Variants in SNED1 observed in about 807,000 individuals in gnomAD.
SNED1 encodes the protein sushi, nidogen and EGF-like domain-containing protein 1.
In SNED1, 81 loss-of-function variants were observed where a neutral mutation model predicts 166.7. That is an observed-to-expected ratio of 0.49 (90% CI 0.41 to 0.58). SNED1 has a LOEUF of 0.58. SNED1 is among the 20% of genes least tolerant of loss of function. SNED1 has a pLI of 0.00. For synonymous variants in SNED1, 762 were observed against 822.0 expected (o/e 0.93, Z 1.25); for missense variants, 1,604 against 2,000.2 (o/e 0.80, Z 3.78).
intron 21 of SNED1, among the ~76,000 whole-genome samples, chr2:241,066,950 G>A (rs1290615757): frequency 6.6e-6 from 1 of 152,230 alleles, no homozygotes; most frequent in African/African-American, 2.4e-5. Context: ...AGCACACCTC[G>A]GCCAGTGGAG....
chr2:241,094,308 C>T lies in SNED1; in HGVS notation c.*2672C>T. On this transcript the variant is annotated 3_prime_UTR_variant, in exon 32 of 32. Coordinates refer to ENST00000310397, the MANE Select transcript of SNED1 (RefSeq NM_001080437.3). This position sits in a 1 kb window ranked among gnomAD's most constrained non-coding sequence, Gnocchi z 4.3. The stretch of plus-strand genomic sequence containing the variant: ...CACCTCCCCTTAGCAGGAACTCCTT[C>T]CACTGGCAAAGGACTGCCACTGCCA... The T allele has an allele frequency of 4.3e-6, 2 of 469,964 alleles. No homozygotes were observed. The highest frequency in any genetic ancestry group is 3.1e-5 in the South Asian group (2 of 64,510). The allele number at this position is 469,964 out of a possible 1,614,324, so 29.1% of individuals were successfully genotyped here.
At chr2:241,032,841 T>C (rs2061231015) in intron 2 of SNED1, among the ~76,000 whole-genome samples, 1 of 152,256 alleles carries the variant, frequency 6.6e-6, no homozygotes, top group Non-Finnish European at 1.5e-5. Flanking sequence ...ACATTTTTTC[T>C]GTAATACTTT....
chr2:241,082,875 T>G (rs1348498669), intron 29 of SNED1, among the ~76,000 whole-genome samples: 2 of 152,164 alleles, frequency 1.3e-5, no homozygotes, highest in African/African-American at 4.8e-5. Flanking sequence ...GGTCACACAG[T>G]CCATTTAGTC....
intron 12 of SNED1, 42 bp downstream of exon 12, chr2:241,049,975 G>A: frequency 6.8e-7 from 1 of 1,462,030 alleles, no homozygotes; most frequent in Non-Finnish European, 9.6e-7. Context: ...CAGCACCCTG[G>A]AGAGCGCCCG....
At chr2:241,083,651 C>T (rs755873401) in intron 29 of SNED1, among the ~76,000 whole-genome samples, 3 of 152,138 alleles carry the variant, frequency 2.0e-5, no homozygotes, top group African/African-American at 7.2e-5. Context: ...GCCATCTTCC[C>T]GCTGTGCTTA....
intron 26 of SNED1, chr2:241,072,786 T>C: frequency 5.2e-6 from 1 of 190,982 alleles, no homozygotes; most frequent in Non-Finnish European, 1.1e-5. Context: ...GAAGCGGATA[T>C]GAAGTGCCCG....
rs374832093 is a variant in SNED1 at position 241,069,004 on chromosome 2, G to A, written c.3288G>A (p.Ala1096=). ...EEHPTESLAT[A]PTHVWTRPLP... is the part of the protein sequence containing the mutation. The stretch of plus-strand genomic sequence containing the variant: ...ACCCCACAGAGAGCCTGGCCACCGC[G>A]CCGACGCACGTGTGGACCCGTGAGT... Residue 1096 remains alanine, a synonymous_variant, in exon 23 of 32, where the codon GCG becomes GCA. Transcript: ENST00000310397. This position sits in a 1 kb window ranked among gnomAD's most constrained non-coding sequence, Gnocchi z 4.9. The A allele has an allele frequency of 4.3e-5, 66 of 1,552,252 alleles. No individual in the cohort carries two copies. Among genetic ancestry groups the A allele is most frequent in the Non-Finnish European group, 5.3e-5 (61 of 1,148,010 alleles).
At chr2:241,035,898 TGGGGGGTGCAG>T in intron 4 of SNED1, among the ~76,000 whole-genome samples, 1 of 43,544 alleles carries the variant, frequency 2.3e-5, no homozygotes, top group East Asian at 9.3e-4. Flanking sequence ...TGCCATGGGG[TGGGGGGTGCAG>T]GCGTGCCACG....
At chr2:241,031,847 C>A (rs1016487015) in intron 2 of SNED1, among the ~76,000 whole-genome samples, 1 of 152,256 alleles carries the variant, frequency 6.6e-6, no homozygotes, top group African/African-American at 2.4e-5. Context: ...ACTGTATGAT[C>A]ACCCATCTTT....
rs777314947 is a variant in SNED1, at chr2:240,999,085, G to A, written c.213+35G>A. The A allele has an allele frequency of 3.3e-6, 4 of 1,215,052 alleles. No individual in the cohort carries two copies. The highest frequency in any genetic ancestry group is 4.2e-6 in the Non-Finnish European group (4 of 962,794). The allele number at this position is 1,215,052 out of a possible 1,614,324, so 75.3% of individuals were successfully genotyped here. Reference sequence around the variant, plus strand: ...CCCCGGGCTCGCGGGGCGCCCGGGAGGGGAGGGAGCTGCGCCCCGGCCGCT... The same window carrying A: ...CCCCGGGCTCGCGGGGCGCCCGGGAAGGGAGGGAGCTGCGCCCCGGCCGCT... On this transcript the variant is annotated intron_variant, in intron 1 of 31. Transcript: ENST00000310397. The surrounding 1 kb of genome is among the most constrained non-coding windows in gnomAD (Gnocchi z 5.8).
At chr2:241,081,422 T>C (rs537466108) in intron 27 of SNED1, among the ~76,000 whole-genome samples, 7 of 152,304 alleles carry the variant, frequency 4.6e-5, no homozygotes, top group South Asian at 2.1e-4. Flanking sequence ...TTGTTTTTGT[T>C]TGTCTTCCTT....
chr2:241,048,765 T>C lies in SNED1; in HGVS notation c.1503T>C (p.Phe501=), dbSNP rs1318911047. The C allele has an allele frequency of 2.5e-6, 4 of 1,607,320 alleles. No individual in the cohort carries two copies. The highest frequency in any genetic ancestry group is 2.6e-6 in the Non-Finnish European group (3 of 1,176,426). The change falls in exon 10 of 32, where the codon TTT becomes TTC. Residue 501 remains phenylalanine (F), a splice_region_variant and synonymous_variant. Transcript: ENST00000310397. The stretch of plus-strand genomic sequence containing the variant: ...GATTCTTTGGGCTTCTCTGTGAATT[T>C]GGTAGGTGCCCAGGTCACCCTTCCT... ...PLGFFGLLCE[F]EITAMPCNMN...
intron 15 of SNED1, 69 bp from the exon 16 acceptor site, chr2:241,053,084 A>T: frequency 6.8e-7 from 1 of 1,472,720 alleles, no homozygotes. Flanking sequence ...CGGGTCGGGC[A>T]GAGGCAGGGC....
rs777229162 is a variant in SNED1 at position 241,081,732 on chromosome 2, G to A, written c.3972G>A (p.Pro1324=). The A allele has an allele frequency of 9.3e-6, 15 of 1,609,406 alleles. No homozygotes were observed. Among genetic ancestry groups the A allele is most frequent in the South Asian group, 3.3e-5 (3 of 89,962 alleles). ...NPCQNGGTCV[P]GADAHSCDCG... ...GTCAGAACGGAGGCACTTGTGTGCC[G>A]GGCGCAGACGCCCACAGCTGTGACT... is the stretch of plus-strand genomic sequence containing the variant. The change falls in exon 28 of 32, where the codon CCG becomes CCA. Residue 1324 remains proline (P), a synonymous_variant. Coordinates refer to ENST00000310397, the MANE Select transcript of SNED1 (RefSeq NM_001080437.3).
At chr2:241,052,732 C>T (rs1368393161) in intron 15 of SNED1, among the ~76,000 whole-genome samples, 1 of 43,960 alleles carries the variant, frequency 2.3e-5, no homozygotes, top group East Asian at 4.6e-4. Flanking sequence ...GATACCAGTG[C>T]CAGGCAGGTG....
In SNED1 at chr2:241,091,515, C is replaced by T. The variant is rs962477200; in HGVS notation, c.*2-123C>T. 6.6e-6 allele frequency: 1 copy of T among 152,198 alleles called. No individual in the cohort carries two copies. The highest frequency in any genetic ancestry group is 6.5e-5 in the Admixed American group (1 of 15,286). 9.4% of individuals were successfully genotyped at this position (152,198 alleles called of 1,614,324 possible). A position where few individuals can be genotyped will look rare whatever the true frequency, so the allele number is the denominator to read the frequency against. On this transcript the variant is annotated intron_variant, in intron 31 of 31. Coordinates refer to ENST00000310397, the MANE Select transcript of SNED1 (RefSeq NM_001080437.3). This position sits in a 1 kb window ranked among gnomAD's most constrained non-coding sequence, Gnocchi z 4.1. Reference sequence around the variant, plus strand: ...TGGTAGAATCCTGGTGCTCTAAGAACGTGGGGTCCTCTGGGTGACAGAGGC... The same window carrying T: ...TGGTAGAATCCTGGTGCTCTAAGAATGTGGGGTCCTCTGGGTGACAGAGGC...
Position 241,068,014 on chromosome 2 carries a change from C to T in SNED1, c.3194+67C>T. On this transcript the variant is annotated intron_variant, in intron 22 of 31. Coordinates refer to ENST00000310397, the MANE Select transcript of SNED1 (RefSeq NM_001080437.3). This position sits in a 1 kb window ranked among gnomAD's most constrained non-coding sequence, Gnocchi z 5.3. ...GGGGTGGGGGCTCGGGGACACGGGG[C>T]CCAGGTCTCGGGCACATTCTCCGTG... 1.4e-6 allele frequency: 2 copies of T among 1,437,282 alleles called. No individual in the cohort carries two copies. The highest frequency in any genetic ancestry group is 1.9e-6 in the Non-Finnish European group (2 of 1,047,330). The allele number at this position is 1,437,282 out of a possible 1,614,324, so 89.0% of individuals were successfully genotyped here.
intron 8 of SNED1, among the ~76,000 whole-genome samples, chr2:241,042,426 T>A (rs1263044489): frequency 6.6e-6 from 1 of 152,106 alleles, no homozygotes; most frequent in Non-Finnish European, 1.5e-5. Context: ...TGTGCCAGAA[T>A]AAAATCCTAT....
In SNED1 at chr2:241,090,421, CT is replaced by C. The variant is rs79342625; in HGVS notation, c.*2-1210del. On this transcript the variant is annotated intron_variant, in intron 31 of 31. Coordinates refer to ENST00000310397, the MANE Select transcript of SNED1 (RefSeq NM_001080437.3). ...CTGCCTGAGGCCATTTTATAGTTAA[CT>C]TTTTTTCATAAGTAGAAGGAGTACA... 3.0e-5 allele frequency: 46 copies of C among 1,547,876 alleles called. No individual in the cohort carries two copies. In the African/African-American group the frequency reaches 4.1e-4, roughly 14 times the overall value.
Sources: gnomAD v4.1 joint callset for allele counts (sites outside exome capture counted in the v4.1 genomes callset) on GRCh38, gnomAD v4.1.1 for gene constraint, Gnocchi (gnomAD v3.1) non-coding constraint, MANE v1.5 for transcripts, NCBI Gene and HGNC (gene_info 2026-07-23, HGNC 2026-07-21) for gene names.